The following ADGRF5 variants were observed in gnomAD, a reference collection of about 807,000 sequenced individuals.
ADGRF5 encodes G-protein coupled receptor 116.
In ADGRF5, 75 loss-of-function variants were observed where a neutral mutation model predicts 132.3. That is an observed-to-expected ratio of 0.57 (90% confidence interval 0.47 to 0.69). The LOEUF is 0.69. Among genes scored for constraint, ADGRF5 ranks in the 30% least tolerant of loss-of-function variants. The pLI is 0.00. For synonymous variants in ADGRF5, 629 were observed against 597.6 expected (o/e 1.05, Z -0.77); for missense variants, 1,516 against 1,630.6 (o/e 0.93, Z 1.21).
intron 3 of ADGRF5, 29 bp from the exon 4 acceptor site, chr6:46,888,534 G>A: frequency 6.6e-7 from 1 of 1,526,650 alleles, no homozygotes; most frequent in South Asian, 1.1e-5. Context: ...AAGGCTGAGA[G>A]AACTTACCAT....
At chr6:46,855,887 C>A (rs979484174) in intron 20 of ADGRF5, 87 bp downstream of exon 20, 4 of 753,778 alleles carry the variant, frequency 5.3e-6, no homozygotes, top group East Asian at 5.2e-5. Flanking sequence ...ATGCCATGAG[C>A]GGGGTGAAAG....
rs10655432 is a variant in ADGRF5 at position 46,897,145 on chromosome 6, TACACAC to T, written c.157+2878_157+2883del. ...ACACAGACATATGCATGCATATATA[TACACAC>T]ACACACACACACACACACACACACA... On this transcript the variant is annotated intron_variant, in intron 3 of 20. Coordinates refer to ENST00000283296, the MANE Select transcript of ADGRF5 (RefSeq NM_001098518.2). 3.7e-4 allele frequency among the ~76,000 whole-genome samples: 53 copies of T among 141,870 alleles called. No individual in the cohort carries two copies. In the South Asian group the frequency reaches 4.1e-3, roughly 11 times the overall value. The allele number at this position is 141,870 out of a possible 152,430, so 93.1% of individuals were successfully genotyped here. A position where few individuals can be genotyped will look rare whatever the true frequency, so the allele number is the denominator to read the frequency against.
chr6:46,914,712 A>G (rs1562233826), intron 1 of ADGRF5, among the ~76,000 whole-genome samples: 5 of 151,596 alleles, frequency 3.3e-5, no homozygotes. Context: ...AACTGCTCTT[A>G]TCTAGTCCGT....
In ADGRF5 at chr6:46,881,712, A is replaced by G. The variant is rs901809955; in HGVS notation, c.672-115T>C. 1.2e-5 allele frequency: 10 copies of G among 823,948 alleles called. No individual in the cohort carries two copies. The African/African-American group carries it at 1.5e-4, about 13-fold the overall frequency. 51.0% of individuals were successfully genotyped at this position (823,948 alleles called of 1,614,324 possible). On this transcript the variant is annotated intron_variant, in intron 7 of 20. Transcript: ENST00000283296. Reference sequence around the variant, plus strand: ...CACAAACTGCCTGATGCAGCATGCAAATCTATGGATCTGACTGGCCAGCAG... The same window carrying G: ...CACAAACTGCCTGATGCAGCATGCAGATCTATGGATCTGACTGGCCAGCAG...
At chr6:46,870,878 C>G in intron 11 of ADGRF5, 1 of 441,168 alleles carries the variant, frequency 2.3e-6, no homozygotes, top group South Asian at 1.6e-5. Flanking sequence ...TTGCAGTTTT[C>G]TGTAGTGAGA....
chr6:46,907,032 A>G, intron 1 of ADGRF5, among the ~76,000 whole-genome samples: 1 of 152,222 alleles, frequency 6.6e-6, no homozygotes, highest in Non-Finnish European at 1.5e-5. Flanking sequence ...GGACAAAGGT[A>G]GCAGATGTTT....
chr6:46,858,810 T>C lies in ADGRF5; in HGVS notation c.3093A>G (p.Leu1031=). The part of the protein sequence containing the change: ...GFSILSLAAC[L]VVEAVVWKSV... ...ATTTCCACACCACAGCTTCCACAACTAGACAGGCTGCCAAGCTCAAGATGG... is the reference window on the plus strand; with the variant it reads ...ATTTCCACACCACAGCTTCCACAACCAGACAGGCTGCCAAGCTCAAGATGG... Residue 1031 remains leucine, a synonymous_variant, in exon 17 of 21, where the codon CTA becomes CTG. Coordinates refer to ENST00000283296, the MANE Select transcript of ADGRF5 (RefSeq NM_001098518.2). 6.2e-7 allele frequency: 1 copy of C among 1,613,994 alleles called. No individual in the cohort carries two copies. Among genetic ancestry groups the C allele is most frequent in the Non-Finnish European group, 8.5e-7 (1 of 1,179,950 alleles).
At chr6:46,884,823 G>C (rs549005654) in intron 4 of ADGRF5, among the ~76,000 whole-genome samples, 1 of 152,288 alleles carries the variant, frequency 6.6e-6, no homozygotes, top group East Asian at 1.9e-4. Context: ...ATCATGGAGA[G>C]GTCCACATGG....
rs1772458365 is a variant in ADGRF5, at chr6:46,881,479, TGTA to T, written c.787_789del (p.Tyr263del). ...CTGATAGTAACTGCTTGAAAGGAGT[TGTA>T]GTCCATTTTGTAGGTCTGATTGAGG... On this transcript the variant is annotated inframe_deletion, in exon 8 of 21. Coordinates refer to ENST00000283296, the MANE Select transcript of ADGRF5 (RefSeq NM_001098518.2). 4 of 1,613,590 alleles carry T rather than the reference TGTA, an allele frequency of 2.5e-6. No homozygotes were observed. Among genetic ancestry groups the T allele is most frequent in the Non-Finnish European group, 3.4e-6 (4 of 1,179,500 alleles).
intron 4 of ADGRF5, among the ~76,000 whole-genome samples, chr6:46,886,207 A>G (rs1184575822): frequency 1.3e-5 from 2 of 152,218 alleles, no homozygotes; most frequent in Non-Finnish European, 2.9e-5. Flanking sequence ...AAGTTATCAA[A>G]TAGTTGTTTC....
chr6:46,865,551 G>T (rs1770320291), intron 13 of ADGRF5, among the ~76,000 whole-genome samples: 1 of 152,164 alleles, frequency 6.6e-6, no homozygotes, highest in Non-Finnish European at 1.5e-5. Flanking sequence ...TCATGAGTTT[G>T]TCTTCTCTAC....
At chr6:46,867,650 A>G (rs1352060950) in intron 12 of ADGRF5, among the ~76,000 whole-genome samples, 5 of 152,186 alleles carry the variant, frequency 3.3e-5, no homozygotes, top group Admixed American at 2.0e-4. Flanking sequence ...GACATACAGC[A>G]AGATTACAAC....
At chr6:46,936,327 G>A (rs981007061) in intron 1 of ADGRF5, among the ~76,000 whole-genome samples, 11 of 152,106 alleles carry the variant, frequency 7.2e-5, no homozygotes, top group Non-Finnish European at 1.2e-4. Flanking sequence ...AGACTTTGTG[G>A]TTTCGCTGTT....
At chr6:46,937,212 G>A (rs539683382) in intron 1 of ADGRF5, among the ~76,000 whole-genome samples, 140 of 146,110 alleles carry the variant, frequency 9.6e-4, no homozygotes, top group Non-Finnish European at 1.7e-3. Context: ...CAAGGTACAG[G>A]CAATAAGGAG....
At chr6:46,899,616 G>T (rs1005822798) in intron 3 of ADGRF5, among the ~76,000 whole-genome samples, 7 of 152,032 alleles carry the variant, frequency 4.6e-5, no homozygotes, top group African/African-American at 1.7e-4. Context: ...TGAGCCTCGT[G>T]GTTAGATTGC....
chr6:46,865,075 A>G lies in ADGRF5; in HGVS notation c.1957T>C (p.Trp653Arg), dbSNP rs764534166. ...HFTNAANNSV[W>R]SPSMKLNLVP... The stretch of plus-strand genomic sequence containing the variant: ...AGATTCAGCTTCATAGATGGGCTCC[A>G]GACTGAATTATTAGCAGCATTGGTA... The change falls in exon 14 of 21, where the codon TGG becomes CGG. Residue 653 changes from tryptophan to arginine, a missense_variant. Physicochemically the swap from Trp to Arg is moderately radical, Grantham distance 101. Around this residue, in one of 2 missense-constraint regions of ADGRF5, gnomAD observed 945 missense variants for 929.4 expected, o/e 1.02. Transcript: ENST00000283296. 6.2e-6 allele frequency: 10 copies of G among 1,611,444 alleles called. No individual in the cohort carries two copies. The East Asian group carries it at 2.0e-4, about 32-fold the overall frequency.
At chr6:46,895,880 G>C (rs184863308) in intron 3 of ADGRF5, among the ~76,000 whole-genome samples, 127 of 151,934 alleles carry the variant, frequency 8.4e-4, no homozygotes, top group Non-Finnish European at 1.6e-3. Flanking sequence ...TCCAAAACAA[G>C]CTTCTCCTTC....
intron 1 of ADGRF5, among the ~76,000 whole-genome samples, chr6:46,948,010 G>T (rs1778363592): frequency 6.6e-6 from 1 of 152,170 alleles, no homozygotes. Context: ...ACTGCTGTGT[G>T]CAGACCTGAG....
At chr6:46,879,453 C>A (rs562797514) in intron 9 of ADGRF5, among the ~76,000 whole-genome samples, 31 of 152,108 alleles carry the variant, frequency 2.0e-4, no homozygotes, top group Admixed American at 3.9e-4. Context: ...TGGTTTAAAA[C>A]CAGATGTTTG....
Sources: gnomAD v4.1 joint callset for allele counts (sites outside exome capture counted in the v4.1 genomes callset) on GRCh38, gnomAD v4.1.1 for gene constraint, gnomAD v4.1.1 regional missense constraint, MANE v1.5 for transcripts, NCBI Gene and HGNC (gene_info 2026-07-23, HGNC 2026-07-21) for gene names.